MED27: variants seen among roughly 807,000 people sequenced by gnomAD.
The protein encoded by MED27 is mediator complex subunit 27.
Under a neutral mutation model 38.2 loss-of-function variants are expected in MED27, and 30 were observed. The ratio of observed to expected loss-of-function variants is 0.79; its 90% confidence interval spans 0.59 to 1.07. The LOEUF (loss-of-function observed/expected upper bound fraction) is 1.07, where lower values mean the gene tolerates loss of function less well. MED27 is among the 50% of genes least tolerant of loss of function. The pLI is 0.00. For synonymous variants in MED27, 122 were observed against 153.5 expected, an observed-to-expected ratio of 0.79 and a Z score of 1.52; for missense variants, 289 against 397.5, an observed-to-expected ratio of 0.73 and a Z score of 2.32.
intron 3 of MED27, among the ~76,000 whole-genome samples, chr9:131,971,588 C>A (rs1164568107): frequency 6.6e-6 from 1 of 152,162 alleles, no homozygotes; most frequent in Non-Finnish European, 1.5e-5. Context: ...AGTGAGGAGA[C>A]CTTGGCCGGA....
Position 131,874,553 on chromosome 9 carries a change from G to T in MED27, c.723+9505C>A, listed in dbSNP as rs536531602. Among the ~76,000 whole-genome samples the T allele has an allele frequency of 7.9e-5, 12 of 152,276 alleles. No individual in the cohort carries two copies. In the East Asian group the frequency reaches 2.1e-3, roughly 27 times the overall value. ...AAGGGGAGCGGAGTGAGAGGGAAGG[G>T]ATGGGGTGGAGAAGCAGAGGTGGAC... is the stretch of plus-strand genomic sequence containing the variant. On this transcript the variant is annotated intron_variant, in intron 6 of 7. Coordinates refer to ENST00000292035, the MANE Select transcript of MED27 (RefSeq NM_004269.4).
At chr9:131,950,183 G>A (rs555943323) in intron 3 of MED27, among the ~76,000 whole-genome samples, 1 of 152,292 alleles carries the variant, frequency 6.6e-6, no homozygotes, top group East Asian at 1.9e-4. Context: ...TAAAACACCT[G>A]TGTTGAGCTT....
chr9:131,957,509 G>A (rs1163407112), intron 3 of MED27, among the ~76,000 whole-genome samples: 1 of 152,012 alleles, frequency 6.6e-6, no homozygotes, highest in Non-Finnish European at 1.5e-5. Context: ...TCCCCCTTTG[G>A]CCTCCCAAAG....
Position 131,872,939 on chromosome 9 carries a change from G to C in MED27, c.724-9799C>G, listed in dbSNP as rs563924637. ...CCTCTGTGTGGGAAGCCTCTGTGCC[G>C]CTCAGCCAGACTTTGGAGCACTCAA... On this transcript the variant is annotated intron_variant, in intron 6 of 7. Transcript: ENST00000292035. The surrounding 1 kb of genome is among the most constrained non-coding windows in gnomAD (Gnocchi z 5.6). Among the ~76,000 whole-genome samples the C allele has an allele frequency of 4.6e-5, 7 of 152,248 alleles. No individual in the cohort carries two copies. Among genetic ancestry groups the C allele is most frequent in the Non-Finnish European group, 1.0e-4 (7 of 68,040 alleles).
rs569350234 is a variant in MED27 at position 131,887,545 on chromosome 9, G to A, written c.682-3446C>T. 2.6e-5 allele frequency among the ~76,000 whole-genome samples: 4 copies of A among 152,290 alleles called. No homozygotes were observed. The East Asian group carries it at 7.7e-4, about 29-fold the overall frequency. On this transcript the variant is annotated intron_variant, in intron 5 of 7. Coordinates refer to ENST00000292035, the MANE Select transcript of MED27 (RefSeq NM_004269.4). ...ATGAGCATTCTGGAGTCAATGCCCTGCCTCTCCTCAGGGCCAGGAAGATTT... is the reference window on the plus strand; with the variant it reads ...ATGAGCATTCTGGAGTCAATGCCCTACCTCTCCTCAGGGCCAGGAAGATTT...
intron 2 of MED27, among the ~76,000 whole-genome samples, chr9:132,054,532 G>T (rs1018287751): frequency 6.6e-6 from 1 of 152,050 alleles, no homozygotes; most frequent in Non-Finnish European, 1.5e-5. Flanking sequence ...CCATCCTCCC[G>T]CCTCCCAAGC....
chr9:132,073,013 T>C (rs1013568311), intron 2 of MED27, among the ~76,000 whole-genome samples: 1 of 152,066 alleles, frequency 6.6e-6, no homozygotes, highest in Non-Finnish European at 1.5e-5. Flanking sequence ...ACACCTGACA[T>C]CAGGTGCAGC....
At chr9:131,925,868 C>G (rs527705532) in intron 4 of MED27, among the ~76,000 whole-genome samples, 1 of 152,354 alleles carries the variant, frequency 6.6e-6, no homozygotes, top group South Asian at 2.1e-4. Flanking sequence ...GCCCACTGCA[C>G]TATAAATAAA....
intron 6 of MED27, among the ~76,000 whole-genome samples, chr9:131,874,418 C>A (rs1413857663): frequency 3.3e-5 from 5 of 152,210 alleles, no homozygotes; most frequent in Non-Finnish European, 7.3e-5. Flanking sequence ...AGCTCAGGGC[C>A]TCCGAGAGGA....
chr9:132,005,229 G>C (rs910512316), intron 3 of MED27, among the ~76,000 whole-genome samples: 1 of 152,206 alleles, frequency 6.6e-6, no homozygotes, highest in East Asian at 1.9e-4. Flanking sequence ...GGCGACACTG[G>C]AGATGGCACA....
intron 2 of MED27, among the ~76,000 whole-genome samples, chr9:132,069,427 G>T (rs1833884151): frequency 6.6e-6 from 1 of 152,220 alleles, no homozygotes; most frequent in Non-Finnish European, 1.5e-5. Context: ...AAAGCCTTGG[G>T]ATAGAAACCG....
chr9:131,985,808 A>C (rs1035572151), intron 3 of MED27, among the ~76,000 whole-genome samples: 2 of 152,106 alleles, frequency 1.3e-5, no homozygotes, highest in Non-Finnish European at 2.9e-5. Flanking sequence ...TTATCATAGG[A>C]GATGACAGCT....
At chr9:132,033,747 T>C (rs1230708230) in intron 2 of MED27, among the ~76,000 whole-genome samples, 2 of 152,240 alleles carry the variant, frequency 1.3e-5, no homozygotes, top group African/African-American at 4.8e-5. Flanking sequence ...ATCTTTGGTG[T>C]TCTGTGTGTC....
At chr9:132,056,823 AGAGC>A (rs1338481774) in intron 2 of MED27, among the ~76,000 whole-genome samples, 1 of 152,206 alleles carries the variant, frequency 6.6e-6, no homozygotes, top group East Asian at 1.9e-4. Context: ...ACCAGAACAA[AGAGC>A]TGGCTCCAGA....
At chr9:132,055,513 G>C (rs1833557320) in intron 2 of MED27, among the ~76,000 whole-genome samples, 2 of 152,266 alleles carry the variant, frequency 1.3e-5, no homozygotes, top group South Asian at 4.1e-4. Flanking sequence ...ATATTTACAA[G>C]ATCAAACAGG....
At chr9:131,963,907 T>A (rs1454488315) in intron 3 of MED27, among the ~76,000 whole-genome samples, 1 of 152,164 alleles carries the variant, frequency 6.6e-6, no homozygotes. Context: ...AACAGCACTT[T>A]CGGTTAGGCC....
At chr9:131,896,993 G>A (rs966368215) in intron 4 of MED27, among the ~76,000 whole-genome samples, 3 of 152,108 alleles carry the variant, frequency 2.0e-5, no homozygotes, top group African/African-American at 7.2e-5. Context: ...GCCTCCCAAA[G>A]TGTTGGGATT....
At chr9:132,026,405 C>A (rs1489681334) in intron 2 of MED27, among the ~76,000 whole-genome samples, 1 of 152,204 alleles carries the variant, frequency 6.6e-6, no homozygotes, top group Non-Finnish European at 1.5e-5. Flanking sequence ...TCAAGCCAGA[C>A]CAGAAGCCTT....
chr9:131,955,754 T>C (rs1301839444), intron 3 of MED27, among the ~76,000 whole-genome samples: 3 of 152,206 alleles, frequency 2.0e-5, no homozygotes, highest in Non-Finnish European at 2.9e-5. Flanking sequence ...AATCTTCCCA[T>C]GAAGAAAACT....
Sources: gnomAD v4.1 joint callset for allele counts (sites outside exome capture counted in the v4.1 genomes callset) on GRCh38, gnomAD v4.1.1 for gene constraint, Gnocchi (gnomAD v3.1) non-coding constraint, MANE v1.5 for transcripts, NCBI Gene and HGNC (gene_info 2026-07-23, HGNC 2026-07-21) for gene names.